C5: variants seen among roughly 807,000 people sequenced by gnomAD.
C5 encodes the protein complement C5.
C5 carries 140 observed loss-of-function variants against 218.8 expected under a neutral mutation model. That is an observed-to-expected ratio of 0.64 (90% CI 0.56 to 0.74). The LOEUF is 0.74. Among genes scored for constraint, C5 ranks in the 30% least tolerant of loss-of-function variants. The probability of loss-of-function intolerance (pLI) is 0.00; values close to 1 mark genes in which losing one functional copy is unlikely to be tolerated. For synonymous variants in C5, 614 were observed against 682.3 expected (o/e 0.90, Z 1.56); for missense variants, 1,700 against 1,969.6 (o/e 0.86, Z 2.59).
intron 38 of C5, 140 bp downstream of exon 38, chr9:120,960,108 A>C: frequency 3.0e-6 from 2 of 656,032 alleles, no homozygotes; most frequent in East Asian, 2.8e-5. Flanking sequence ...AATGCTAAAA[A>C]TCGATGGCAT....
At chr9:120,999,296 A>T (rs576143422) in intron 20 of C5, among the ~76,000 whole-genome samples, 5 of 152,298 alleles carry the variant, frequency 3.3e-5, no homozygotes, top group African/African-American at 9.6e-5. Flanking sequence ...AGTGGGAGGG[A>T]AAGTGACACT....
intron 25 of C5, among the ~76,000 whole-genome samples, chr9:120,988,548 G>T (rs1397867721): frequency 6.6e-6 from 1 of 152,172 alleles, no homozygotes; most frequent in Admixed American, 6.5e-5. Flanking sequence ...GGCTAGTGGG[G>T]CTGAATTGGA....
intron 1 of C5, among the ~76,000 whole-genome samples, chr9:121,047,332 A>G (rs918448017): frequency 1.4e-4 from 21 of 152,074 alleles, no homozygotes; most frequent in African/African-American, 4.8e-4. Context: ...CTGTTCTCTT[A>G]TTTTTACTTT....
At chr9:121,055,332 C>A in the C5 span, among the ~76,000 whole-genome samples, 1 of 152,032 alleles carries the variant, frequency 6.6e-6, no homozygotes, top group African/African-American at 2.4e-5. Flanking sequence ...GTTAGCAAGT[C>A]CTTGGGCAAG....
At chr9:121,041,089 G>A (rs1308714669) in intron 3 of C5, among the ~76,000 whole-genome samples, 5 of 150,400 alleles carry the variant, frequency 3.3e-5, no homozygotes, top group East Asian at 2.0e-4. Context: ...AATTACAGGC[G>A]TGCACCACCA....
At position 121,017,527 on chromosome 9, in the gene C5, A is replaced by G; in HGVS notation, c.1717-16T>C. 6.2e-7 allele frequency: 1 copy of G among 1,613,414 alleles called. No homozygotes were observed. Among genetic ancestry groups the G allele is most frequent in the Non-Finnish European group, 8.5e-7 (1 of 1,179,792 alleles). On this transcript the variant is annotated splice_polypyrimidine_tract_variant and intron_variant, in intron 13 of 40. Coordinates refer to ENST00000223642, the MANE Select transcript of C5 (RefSeq NM_001735.3). ...ACAGATGAACCTAAAAGTTCATTTG[A>G]AAAAGAAAAGAAAAGATCATTTGTA...
chr9:121,028,593 G>T (rs1028755460), intron 7 of C5, among the ~76,000 whole-genome samples: 2 of 152,028 alleles, frequency 1.3e-5, no homozygotes, highest in East Asian at 3.9e-4. Flanking sequence ...CTACCACAAG[G>T]ACAGAAAACC....
At chr9:121,026,165 T>A (rs1213270320) in intron 8 of C5, among the ~76,000 whole-genome samples, 1 of 152,198 alleles carries the variant, frequency 6.6e-6, no homozygotes, top group Non-Finnish European at 1.5e-5. Flanking sequence ...ATGCATTTAA[T>A]TTACATCTTG....
intron 1 of C5, among the ~76,000 whole-genome samples, chr9:121,046,757 C>T (rs2047631091): frequency 6.6e-6 from 1 of 152,174 alleles, no homozygotes; most frequent in African/African-American, 2.4e-5. Flanking sequence ...GTGGCATCTG[C>T]TGGCTGAGTG....
At chr9:121,069,038 TA>T in the C5 span, among the ~76,000 whole-genome samples, 225 of 152,218 alleles carry the variant, frequency 1.5e-3, no homozygotes, top group Middle Eastern at 0.01. Flanking sequence ...ACAGAAACTA[TA>T]AAACTACTAG....
At chr9:121,071,473 C>T in the C5 span, among the ~76,000 whole-genome samples, 1 of 151,986 alleles carries the variant, frequency 6.6e-6, no homozygotes, top group Non-Finnish European at 1.5e-5. Context: ...TCGCTTGAGC[C>T]CAGGAGTTTA....
At chr9:121,006,875 A>T in intron 19 of C5, 29 bp downstream of exon 19, 1 of 1,385,048 alleles carries the variant, frequency 7.2e-7, no homozygotes, top group Non-Finnish European at 1.0e-6. Flanking sequence ...ATCACTATTT[A>T]AATGCATATA....
chr9:121,004,870 A>G (rs1354117517), intron 20 of C5, among the ~76,000 whole-genome samples: 1 of 152,180 alleles, frequency 6.6e-6, no homozygotes, highest in African/African-American at 2.4e-5. Flanking sequence ...ATTTTAAGAT[A>G]CCAATATTTA....
At chr9:121,002,118 G>GTGTGTGTATATATATATATA (rs2047166144) in intron 20 of C5, among the ~76,000 whole-genome samples, 2 of 148,836 alleles carry the variant, frequency 1.3e-5, no homozygotes, top group Admixed American at 6.8e-5. Flanking sequence ...TGCTGAGGCA[G>GTGTGTGTATATATATATATA]TGTGTGTATA....
chr9:121,050,847 T>C (rs568216732), upstream of C5, among the ~76,000 whole-genome samples: 2 of 152,234 alleles, frequency 1.3e-5, no homozygotes, highest in South Asian at 2.1e-4. Flanking sequence ...TGGAGGAAAG[T>C]TGTGACTGGC....
chr9:121,073,511 CTTTTTTT>C, the C5 span, among the ~76,000 whole-genome samples: 15 of 73,014 alleles, frequency 2.1e-4, no homozygotes, highest in South Asian at 6.0e-4. Context: ...GAAAACTGGA[CTTTTTTT>C]TTTTTTTTTT....
chr9:121,045,475 G>A (rs932738853), intron 2 of C5, among the ~76,000 whole-genome samples: 4 of 151,742 alleles, frequency 2.6e-5, no homozygotes, highest in African/African-American at 7.3e-5. Context: ...AATATAATTC[G>A]AATTTTAAGC....
rs25681 is a variant in C5 at position 121,017,727 on chromosome 9, G to A, written c.1632C>T (p.Tyr544=). The A allele has an allele frequency of 0.44, 713,260 of 1,611,088 alleles. 166,010 individuals carry two copies. Among genetic ancestry groups the A allele is most frequent in the South Asian group, 0.63 (57,206 of 91,004 alleles). ...MVPSSRLLVY[Y]IVTGEQTAEL... is the part of the protein sequence containing the mutation. The stretch of plus-strand genomic sequence containing the variant: ...CTGCTGTCTGTTCTCCTGTGACGAT[G>A]TAATAGACCAGAAGTCGGGATGAAG... Residue 544 remains tyrosine, a synonymous_variant, in exon 13 of 41, where the codon TAC becomes TAT. Transcript: ENST00000223642.
intron 12 of C5, among the ~76,000 whole-genome samples, chr9:121,019,452 G>A (rs1370078198): frequency 6.6e-6 from 1 of 152,158 alleles, no homozygotes; most frequent in African/African-American, 2.4e-5. Flanking sequence ...ATCCACCTCT[G>A]TTTAATATAA....
Sources: gnomAD v4.1 joint callset for allele counts (sites outside exome capture counted in the v4.1 genomes callset) on GRCh38, gnomAD v4.1.1 for gene constraint, MANE v1.5 for transcripts, NCBI Gene and HGNC (gene_info 2026-07-23, HGNC 2026-07-21) for gene names.